Variants in B4GALT2 observed in about 807,000 individuals in gnomAD.
The protein encoded by B4GALT2 is beta-1,4-galactosyltransferase 2, also known as N-acetyllactosamine synthase.
A neutral mutation model predicts 33.2 loss-of-function variants in B4GALT2; 18 were observed. That is an observed-to-expected ratio of 0.54 (90% confidence interval 0.38 to 0.80). B4GALT2 has a LOEUF of 0.80. B4GALT2 is among the 30% of genes least tolerant of loss of function. The pLI is 0.00. For synonymous variants in B4GALT2, 214 were observed against 217.6 expected (o/e 0.98, Z 0.15); for missense variants, 404 against 526.2 (o/e 0.77, Z 2.27).
intron 6 of B4GALT2, among the ~76,000 whole-genome samples, chr1:43,988,842 G>C (rs769070370): frequency 1.1e-5 from 1 of 92,918 alleles, no homozygotes; most frequent in Non-Finnish European, 2.1e-5. Context: ...GCAAGACTCT[G>C]TCTCAAAAAA....
chr1:43,981,414 C>A lies in B4GALT2; in HGVS notation c.254C>A (p.Ala85Asp), dbSNP rs987553231. The change falls in exon 2 of 7, where the codon GCC (alanine) becomes GAC (aspartate). Residue 85 changes from alanine (A) to aspartate (D), a missense_variant. Physicochemically the swap from Ala to Asp is moderately radical, Grantham distance 126. Transcript: ENST00000372324. This position sits in a 1 kb window ranked among gnomAD's most constrained non-coding sequence, Gnocchi z 8.1. ...SSSGLPEVPS[A>D]LPGPTAPTLP... ...TCCGGGCTCCCTGAGGTCCCCAGTG[C>A]CCTGCCCGGTCCCACGGCTCCCACG... is the stretch of plus-strand genomic sequence containing the variant. 1 of 1,596,670 alleles carries A rather than the reference C, an allele frequency of 6.3e-7. No individual in the cohort carries two copies. The highest frequency in any genetic ancestry group is 2.2e-5 in the East Asian group (1 of 44,796).
rs2085608310 is a variant in B4GALT2, at chr1:43,982,186, G to C, written c.549+262G>C. On this transcript the variant is annotated intron_variant, in intron 3 of 6. Transcript: ENST00000372324. The surrounding 1 kb of genome is among the most constrained non-coding windows in gnomAD (Gnocchi z 4.3). ...CTCACCCCATGGTGGTGCAGGCCTTGGGTATGCTGTAGGAGGAGATGTTGA... is the reference window on the plus strand; with the variant it reads ...CTCACCCCATGGTGGTGCAGGCCTTCGGTATGCTGTAGGAGGAGATGTTGA... Among the ~76,000 whole-genome samples, 1 of 152,240 alleles carries C rather than the reference G, an allele frequency of 6.6e-6. No individual in the cohort carries two copies.
intron 1 of B4GALT2, chr1:43,980,392 G>T (rs1261744165): frequency 6.2e-6 from 2 of 325,010 alleles, no homozygotes; most frequent in Non-Finnish European, 9.7e-6. Context: ...TAAGTGAGGG[G>T]TGTCCCCTGC....
chr1:43,982,743 T>G lies in B4GALT2; in HGVS notation c.549+819T>G, dbSNP rs1161323365. The stretch of plus-strand genomic sequence containing the variant: ...AATGTCTTGGGAGGCATGCTGGCAG[T>G]AAGTCCAGCGCAAAAGTGACAGGGC... On this transcript the variant is annotated intron_variant, in intron 3 of 6. Transcript: ENST00000372324. This position sits in a 1 kb window ranked among gnomAD's most constrained non-coding sequence, Gnocchi z 4.3. 3.3e-5 allele frequency among the ~76,000 whole-genome samples: 5 copies of G among 152,174 alleles called. No homozygotes were observed. Among genetic ancestry groups the G allele is most frequent in the African/African-American group, 1.2e-4 (5 of 41,440 alleles).
chr1:43,988,104 AAG>A (rs2085679029), intron 6 of B4GALT2, among the ~76,000 whole-genome samples: 1 of 152,184 alleles, frequency 6.6e-6, no homozygotes, highest in South Asian at 2.1e-4. Flanking sequence ...AATAGCTGGC[AAG>A]AGAGTCACTA....
chr1:43,985,210 C>G, intron 4 of B4GALT2, 68 bp from the exon 5 acceptor site: 1 of 1,570,382 alleles, frequency 6.4e-7, no homozygotes, highest in Non-Finnish European at 8.7e-7. Context: ...TCCCCCCGAC[C>G]TGGTCTCTGG....
intron 6 of B4GALT2, among the ~76,000 whole-genome samples, chr1:43,986,794 CTGTT>C (rs1266205749): frequency 1.3e-5 from 2 of 152,274 alleles, no homozygotes; most frequent in African/African-American, 2.4e-5. Context: ...AGAAGGCACA[CTGTT>C]TGAGCTTCAG....
chr1:43,983,988 C>A (rs922750236), intron 3 of B4GALT2, among the ~76,000 whole-genome samples: 2 of 152,188 alleles, frequency 1.3e-5, no homozygotes, highest in Non-Finnish European at 2.9e-5. Context: ...TCTCCAGGAA[C>A]CTTTCTGGTT....
chr1:43,985,445 GGGGGGTGCAGACTGGGT>G, intron 5 of B4GALT2, 45 bp downstream of exon 5: 8 of 862,442 alleles, frequency 9.3e-6, no homozygotes, highest in Non-Finnish European at 1.5e-5. Context: ...GGGGGGGGAG[GGGGGGTGCAGACTGGGT>G]GGGGTTCTTT....
At position 43,985,413 on chromosome 1, in the gene B4GALT2, G is replaced by A. The variant is rs933831194; in HGVS notation, c.863+13G>A. On this transcript the variant is annotated intron_variant, in intron 5 of 6. Coordinates refer to ENST00000372324, the MANE Select transcript of B4GALT2 (RefSeq NM_003780.5). ...ACATCTTCAACCGGTGAGTAAGCAC[G>A]CGGTGGGGAATAGGCTGGGTGGGGG... 6 of 1,553,504 alleles carry A rather than the reference G, an allele frequency of 3.9e-6. No individual in the cohort carries two copies. The highest frequency in any genetic ancestry group is 2.3e-5 in the East Asian group (1 of 43,086).
intron 6 of B4GALT2, among the ~76,000 whole-genome samples, chr1:43,989,560 T>C (rs559286858): frequency 5.9e-5 from 9 of 152,298 alleles, no homozygotes; most frequent in African/African-American, 1.9e-4. Context: ...TCCTGACATA[T>C]GCATATCGAA....
chr1:43,984,925 A>G lies in B4GALT2; in HGVS notation c.610A>G (p.Lys204Glu). 6.2e-7 allele frequency: 1 copy of G among 1,614,074 alleles called. No individual in the cohort carries two copies. The highest frequency in any genetic ancestry group is 8.5e-7 in the Non-Finnish European group (1 of 1,180,010). The change falls in exon 4 of 7, where the codon AAG (lysine) becomes GAG (glutamate). Residue 204 changes from lysine (K) to glutamate (E), a missense_variant. Coordinates refer to ENST00000372324, the MANE Select transcript of B4GALT2 (RefSeq NM_003780.5). The surrounding 1 kb of genome is among the most constrained non-coding windows in gnomAD (Gnocchi z 5.6). ...TAACGTGGGCTTCCTAGAGGCGCTG[A>G]AGGAGGATGCCGCCTATGACTGCTT... ...LLNVGFLEAL[K>E]EDAAYDCFIF...
In B4GALT2 at chr1:43,981,172, G is replaced by T; in HGVS notation, c.12G>T (p.Leu4=). The change falls in exon 2 of 7, where the codon CTG becomes CTT. Residue 4 remains leucine (L), a synonymous_variant. Coordinates refer to ENST00000372324, the MANE Select transcript of B4GALT2 (RefSeq NM_003780.5). This position sits in a 1 kb window ranked among gnomAD's most constrained non-coding sequence, Gnocchi z 8.1. The part of the protein sequence containing the change: MSR[L]LGGTLERVCK... ...TGGCCGCCTGCGGGATGAGCAGACT[G>T]CTGGGGGGGACGCTGGAGCGCGTCT... The T allele has an allele frequency of 1.3e-6, 2 of 1,599,750 alleles. No individual in the cohort carries two copies. The highest frequency in any genetic ancestry group is 1.7e-6 in the Non-Finnish European group (2 of 1,179,746).
At chr1:43,990,238 G>A in intron 6 of B4GALT2, 60 bp from the exon 7 acceptor site, 2 of 1,597,792 alleles carry the variant, frequency 1.3e-6, no homozygotes, top group South Asian at 1.1e-5. Context: ...GGGGGGTGTA[G>A]GATTTTATTT....
intron 6 of B4GALT2, among the ~76,000 whole-genome samples, chr1:43,988,391 C>T (rs2085683503): frequency 6.7e-6 from 1 of 149,206 alleles, no homozygotes; most frequent in African/African-American, 2.5e-5. Context: ...GGCACGGTGG[C>T]TCATGCCTGT....
rs768431880 is a variant in B4GALT2, at chr1:43,981,840, A to G, written c.465A>G (p.Glu155=). 6.2e-7 allele frequency: 1 copy of G among 1,612,570 alleles called. No homozygotes were observed. The highest frequency in any genetic ancestry group is 8.5e-7 in the Non-Finnish European group (1 of 1,179,588). The change falls in exon 3 of 7, where the codon GAA becomes GAG. Residue 155 remains glutamate (E), a synonymous_variant. Coordinates refer to ENST00000372324, the MANE Select transcript of B4GALT2 (RefSeq NM_003780.5). The surrounding 1 kb of genome is among the most constrained non-coding windows in gnomAD (Gnocchi z 8.1). ...VAVIIPFRHR[E]HHLRYWLHYL... ...TCATCATCCCCTTTAGACACCGGGAACACCACCTGCGCTACTGGCTCCACT... is the reference window on the plus strand; with the variant it reads ...TCATCATCCCCTTTAGACACCGGGAGCACCACCTGCGCTACTGGCTCCACT...
At position 43,982,031 on chromosome 1, in the gene B4GALT2, T is replaced by C; in HGVS notation, c.549+107T>C. 1 of 1,134,250 alleles carries C rather than the reference T, an allele frequency of 8.8e-7. No homozygotes were observed. The highest frequency in any genetic ancestry group is 1.3e-6 in the Non-Finnish European group (1 of 790,976). The allele number at this position is 1,134,250 out of a possible 1,614,324, so 70.3% of individuals were successfully genotyped here. A position where few individuals can be genotyped will look rare whatever the true frequency, so the allele number is the denominator to read the frequency against. On this transcript the variant is annotated intron_variant, in intron 3 of 6. Coordinates refer to ENST00000372324, the MANE Select transcript of B4GALT2 (RefSeq NM_003780.5). The surrounding 1 kb of genome is among the most constrained non-coding windows in gnomAD (Gnocchi z 4.3). ...ATATGTGGATGGACCTGGGCGTGGG[T>C]AGTCGGTGTTTGTCAGTGTGCACAG... is the stretch of plus-strand genomic sequence containing the variant.
intron 6 of B4GALT2, among the ~76,000 whole-genome samples, chr1:43,987,452 G>A (rs754546988): frequency 6.6e-6 from 1 of 152,124 alleles, no homozygotes; most frequent in African/African-American, 2.4e-5. Context: ...CACAAACTGT[G>A]AACTCTCTCT....
intron 3 of B4GALT2, among the ~76,000 whole-genome samples, chr1:43,983,010 G>T (rs2085617280): frequency 1.3e-5 from 2 of 152,196 alleles, no homozygotes; most frequent in Non-Finnish European, 2.9e-5. Context: ...TCAGGACAGC[G>T]CAAGGGTTTC....
Sources: allele counts gnomAD v4.1 joint callset (sites outside exome capture counted in the v4.1 genomes callset), GRCh38; gene constraint gnomAD v4.1.1; non-coding constraint Gnocchi (gnomAD v3.1); transcripts MANE v1.5; gene names NCBI Gene and HGNC (gene_info 2026-07-23, HGNC 2026-07-21).